SAP130: variants seen among roughly 807,000 people sequenced by gnomAD.
SAP130 encodes Sin3A associated protein 130, also known as histone deacetylase complex subunit SAP130.
Under a neutral mutation model 103.2 loss-of-function variants are expected in SAP130, and 16 were observed. That is an observed-to-expected ratio of 0.16 (90% CI 0.10 to 0.24). SAP130 has a LOEUF of 0.24. Ranked by LOEUF, SAP130 falls within the 10% of genes least tolerant of loss-of-function variation. The pLI is 1.00. For missense variants in SAP130, 990 were observed against 1,359.7 expected, an observed-to-expected ratio of 0.73 and a Z score of 4.28; for synonymous variants, 477 against 497.0, an observed-to-expected ratio of 0.96 and a Z score of 0.53.
chr2:128,012,488 C>CA (rs1684467062), intron 6 of SAP130, among the ~76,000 whole-genome samples: 1 of 152,020 alleles, frequency 6.6e-6, no homozygotes, highest in South Asian at 2.1e-4. Flanking sequence ...AACAAATAAA[C>CA]AAAAAAACGC....
chr2:127,947,482 C>T (rs893211907), intron 18 of SAP130, among the ~76,000 whole-genome samples: 2 of 152,126 alleles, frequency 1.3e-5, no homozygotes, highest in Non-Finnish European at 2.9e-5. Flanking sequence ...GAATATTGAT[C>T]TGTCATTTTC....
At chr2:127,971,208 C>T (rs573650172) in intron 15 of SAP130, among the ~76,000 whole-genome samples, 1 of 152,188 alleles carries the variant, frequency 6.6e-6, no homozygotes, top group East Asian at 1.9e-4. Context: ...TGACCTCGGC[C>T]TCCTAAGGTG....
chr2:127,958,647 AGAGAGAGAGAG>A (rs1442700587), intron 15 of SAP130, among the ~76,000 whole-genome samples: 4 of 39,326 alleles, frequency 1.0e-4, no homozygotes, highest in Admixed American at 3.0e-4. Flanking sequence ...AGAGAGAGAG[AGAGAGAGAGAG>A]AGAGAGAGAG....
At chr2:127,999,387 A>G (rs1459138241) in intron 10 of SAP130, among the ~76,000 whole-genome samples, 3 of 152,072 alleles carry the variant, frequency 2.0e-5, no homozygotes, top group Admixed American at 2.0e-4. Context: ...CGAGGCGGGC[A>G]GATCATGAGG....
chr2:127,941,687 T>G lies in SAP130; in HGVS notation c.*319A>C. The G allele has an allele frequency of 2.9e-6, 1 of 343,170 alleles. No individual in the cohort carries two copies. 21.3% of individuals were successfully genotyped at this position (343,170 alleles called of 1,614,324 possible). A position where few individuals can be genotyped will look rare whatever the true frequency, so the allele number is the denominator to read the frequency against. On this transcript the variant is annotated 3_prime_UTR_variant, in exon 21 of 21. Coordinates refer to ENST00000643581, the MANE Select transcript of SAP130 (RefSeq NM_001330301.2). Reference sequence around the variant, plus strand: ...GAATCCACTAGATAAATACAGTCTATAAACCGGAAGGCTGAAAAACACCAG... The same window carrying G: ...GAATCCACTAGATAAATACAGTCTAGAAACCGGAAGGCTGAAAAACACCAG...
Position 128,027,963 on chromosome 2 carries a change from C to G in SAP130, c.-30G>C. Reference sequence around the variant, plus strand: ...ACCTGGGTGCTGCGCCCAGTGGCCGCCGCGCCGCCTTGAGCTCGCTCCCGC... The same window carrying G: ...ACCTGGGTGCTGCGCCCAGTGGCCGGCGCGCCGCCTTGAGCTCGCTCCCGC... On this transcript the variant is annotated 5_prime_UTR_variant, in exon 1 of 21. Coordinates refer to ENST00000643581, the MANE Select transcript of SAP130 (RefSeq NM_001330301.2). 2 of 985,626 alleles carry G rather than the reference C, an allele frequency of 2.0e-6. No individual in the cohort carries two copies. Among genetic ancestry groups the G allele is most frequent in the Non-Finnish European group, 2.4e-6 (2 of 830,086 alleles). 61.1% of individuals were successfully genotyped at this position (985,626 alleles called of 1,614,324 possible). A position where few individuals can be genotyped will look rare whatever the true frequency, so the allele number is the denominator to read the frequency against.
intron 3 of SAP130, 85 bp from the exon 4 acceptor site, chr2:128,016,632 A>T: frequency 6.9e-7 from 1 of 1,446,418 alleles, no homozygotes; most frequent in Non-Finnish European, 9.3e-7. Flanking sequence ...GCACAAATCG[A>T]ACCTGGAAAG....
chr2:127,958,078 T>C (rs1484123391), intron 15 of SAP130, among the ~76,000 whole-genome samples: 2 of 152,186 alleles, frequency 1.3e-5, no homozygotes, highest in African/African-American at 4.8e-5. Flanking sequence ...TGTATACCTA[T>C]GTAACAAACC....
intron 12 of SAP130, among the ~76,000 whole-genome samples, chr2:127,991,814 ACTTGAAATTT>A (rs1559075804): frequency 6.6e-6 from 1 of 152,212 alleles, no homozygotes; most frequent in Admixed American, 6.5e-5. Context: ...TTCCAAACAT[ACTTGAAATTT>A]CTTGAAATTA....
intron 18 of SAP130, among the ~76,000 whole-genome samples, chr2:127,949,491 T>A (rs745355857): frequency 2.0e-5 from 3 of 152,210 alleles, no homozygotes; most frequent in Non-Finnish European, 4.4e-5. Context: ...ATTTTTAGCA[T>A]CTTAGGAACT....
chr2:128,010,293 G>A lies in SAP130; in HGVS notation c.845C>T (p.Ala282Val), dbSNP rs754406480. The A allele has an allele frequency of 7.4e-6, 12 of 1,613,770 alleles. No individual in the cohort carries two copies. Among genetic ancestry groups the A allele is most frequent in the South Asian group, 6.6e-5 (6 of 91,058 alleles). Reference sequence around the variant, plus strand: ...CCTAAGTGCTGAATCAGTAGCATGCGCCGCTGTCGTAGTGATGACTGGAGA... The same window carrying A: ...CCTAAGTGCTGAATCAGTAGCATGCACCGCTGTCGTAGTGATGACTGGAGA... ...AQSPVITTTA[A>V]HATDSALSRP... The change falls in exon 7 of 21, where the codon GCG (alanine) becomes GTG (valine). Residue 282 changes from alanine (A) to valine (V), a missense_variant. Ala to Val is a moderately conservative substitution (Grantham distance 64, BLOSUM62 0). Coordinates refer to ENST00000643581, the MANE Select transcript of SAP130 (RefSeq NM_001330301.2).
At chr2:127,951,185 C>A (rs1422725321) in intron 16 of SAP130, among the ~76,000 whole-genome samples, 1 of 152,186 alleles carries the variant, frequency 6.6e-6, no homozygotes, top group African/African-American at 2.4e-5. Context: ...CTTGCACTCT[C>A]ACCGACCGCA....
At position 128,016,320 on chromosome 2, in the gene SAP130, A is replaced by G. The variant is rs527993962; in HGVS notation, c.507+69T>C. On this transcript the variant is annotated intron_variant, in intron 4 of 20. Coordinates refer to ENST00000643581, the MANE Select transcript of SAP130 (RefSeq NM_001330301.2). Reference sequence around the variant, plus strand: ...TTACCGTGACTAATGTACTGCTAGCATTCAATAAATCATGATCAACAGTTT... The same window carrying G: ...TTACCGTGACTAATGTACTGCTAGCGTTCAATAAATCATGATCAACAGTTT... 4.1e-5 allele frequency: 61 copies of G among 1,489,110 alleles called. No homozygotes were observed. The East Asian group carries it at 1.1e-3, about 27-fold the overall frequency. 92.2% of individuals were successfully genotyped at this position (1,489,110 alleles called of 1,614,324 possible).
Position 127,996,964 on chromosome 2 carries a change from C to A in SAP130, c.1214-473G>T, listed in dbSNP as rs892280246. On this transcript the variant is annotated intron_variant, in intron 10 of 20. Coordinates refer to ENST00000643581, the MANE Select transcript of SAP130 (RefSeq NM_001330301.2). The surrounding 1 kb of genome is among the most constrained non-coding windows in gnomAD (Gnocchi z 4.3). ...ATTTTGGATTAAAAAACGGAAAAAA[C>A]AAACAAACAAAAAACCTTGGATTCT... 2.2e-4 allele frequency among the ~76,000 whole-genome samples: 34 copies of A among 151,960 alleles called. No individual in the cohort carries two copies. The highest frequency in any genetic ancestry group is 7.4e-5 in the Non-Finnish European group (5 of 67,980).
chr2:127,968,828 G>A (rs1349551110), intron 15 of SAP130, among the ~76,000 whole-genome samples: 1 of 152,094 alleles, frequency 6.6e-6, no homozygotes, highest in African/African-American at 2.4e-5. Flanking sequence ...GCACTTTCAA[G>A]TTCTGTATGA....
rs547515573 is a variant in SAP130 at position 127,975,813 on chromosome 2, G to C, written c.2063+2172C>G. ...AGTGGTTTTGAGGAAAAAGATGAAG[G>C]GGTCTCAGAAGTTACGCCGGCAAAA... On this transcript the variant is annotated intron_variant, in intron 15 of 20. Coordinates refer to ENST00000643581, the MANE Select transcript of SAP130 (RefSeq NM_001330301.2). Among the ~76,000 whole-genome samples the C allele has an allele frequency of 5.9e-5, 9 of 152,202 alleles. No homozygotes were observed. The South Asian group carries it at 1.9e-3, about 32-fold the overall frequency.
chr2:127,987,344 C>A (rs1317318262), intron 13 of SAP130, among the ~76,000 whole-genome samples: 1 of 151,896 alleles, frequency 6.6e-6, no homozygotes, highest in Non-Finnish European at 1.5e-5. Context: ...ACCACCACAC[C>A]TGGATAATTT....
At chr2:127,957,392 T>C (rs979816556) in intron 15 of SAP130, among the ~76,000 whole-genome samples, 1 of 152,200 alleles carries the variant, frequency 6.6e-6, no homozygotes. Flanking sequence ...AAGAAAGAAC[T>C]GGCTAGGCGT....
At chr2:127,973,149 A>G (rs969834439) in intron 15 of SAP130, among the ~76,000 whole-genome samples, 1 of 152,180 alleles carries the variant, frequency 6.6e-6, no homozygotes, top group Non-Finnish European at 1.5e-5. Context: ...TCATGGCTCT[A>G]AAGAACATCT....
Sources: gnomAD v4.1 joint callset for allele counts (sites outside exome capture counted in the v4.1 genomes callset) on GRCh38, gnomAD v4.1.1 for gene constraint, Gnocchi (gnomAD v3.1) non-coding constraint, MANE v1.5 for transcripts, NCBI Gene and HGNC (gene_info 2026-07-23, HGNC 2026-07-21) for gene names.